The following PTPRN2 variants were observed in gnomAD, a reference collection of about 807,000 sequenced individuals.
PTPRN2 encodes the protein protein tyrosine phosphatase receptor type N2.
In PTPRN2, 74 loss-of-function variants were observed where a neutral mutation model predicts 118.8. That is an observed-to-expected ratio of 0.62 (90% CI 0.52 to 0.76). The LOEUF is 0.76. PTPRN2 is among the 30% of genes least tolerant of loss of function. The pLI, the probability that PTPRN2 is intolerant of heterozygous loss-of-function variation, is 0.00. For missense variants in PTPRN2, 1,481 were observed against 1,394.4 expected (o/e 1.06, Z -0.99); for synonymous variants, 641 against 608.0 (o/e 1.05, Z -0.80).
At chr7:157,799,785 CA>C (rs2151092486) in intron 12 of PTPRN2, among the ~76,000 whole-genome samples, 1 of 120,920 alleles carries the variant, frequency 8.3e-6, no homozygotes, top group African/African-American at 3.5e-5. Flanking sequence ...CCCTCAGAGT[CA>C]CCACAATCGG....
In PTPRN2 at chr7:157,875,045, G is replaced by A. The variant is rs113299498; in HGVS notation, c.1788+23628C>T. Among the ~76,000 whole-genome samples the A allele has an allele frequency of 3.9e-4, 59 of 150,752 alleles. No homozygotes were observed. In the East Asian group the frequency reaches 8.3e-3, roughly 21 times the overall value. On this transcript the variant is annotated intron_variant, in intron 12 of 22. Transcript: ENST00000389418. ...CAGACACACGCAGACACACACACGC[G>A]CACACACAGACACACACACACACAC...
intron 3 of PTPRN2, among the ~76,000 whole-genome samples, chr7:158,252,614 C>T (rs1051045559): frequency 6.6e-6 from 1 of 152,184 alleles, no homozygotes; most frequent in African/African-American, 2.4e-5. Flanking sequence ...CCCCACCACC[C>T]CATCTCCAGG....
At chr7:158,219,398 T>C (rs1828183551) in intron 3 of PTPRN2, among the ~76,000 whole-genome samples, 1 of 152,038 alleles carries the variant, frequency 6.6e-6, no homozygotes, top group African/African-American at 2.4e-5. Flanking sequence ...TACCAGAATA[T>C]TTGGGACACA....
chr7:158,261,913 G>A (rs1797427086), intron 3 of PTPRN2, among the ~76,000 whole-genome samples: 1 of 152,236 alleles, frequency 6.6e-6, no homozygotes, highest in African/African-American at 2.4e-5. Context: ...TCAGGAGGGA[G>A]GAATCTAGGA....
chr7:158,277,622 T>G (rs1338639199), intron 3 of PTPRN2, among the ~76,000 whole-genome samples: 1 of 152,202 alleles, frequency 6.6e-6, no homozygotes, highest in African/African-American at 2.4e-5. Flanking sequence ...CTTGCCACAC[T>G]GCTGCACGAG....
At chr7:158,248,366 G>C (rs963413090) in intron 3 of PTPRN2, among the ~76,000 whole-genome samples, 3 of 152,176 alleles carry the variant, frequency 2.0e-5, no homozygotes, top group Admixed American at 2.0e-4. Flanking sequence ...CCCCGACCAC[G>C]TGGGGACACA....
At chr7:158,580,872 A>C (rs10250188) in intron 1 of PTPRN2, among the ~76,000 whole-genome samples, 38,614 of 152,068 alleles carry the variant, frequency 0.25, 5,123 homozygotes, top group East Asian at 0.44. Flanking sequence ...TATGGGAAGG[A>C]CAAAAGTCTC....
intron 1 of PTPRN2, among the ~76,000 whole-genome samples, chr7:158,535,425 A>C (rs1825588797): frequency 6.6e-6 from 1 of 152,200 alleles, no homozygotes; most frequent in African/African-American, 2.4e-5. Flanking sequence ...TCATGGTAAG[A>C]ACCTGCAATG....
At chr7:158,442,844 G>A (rs1352740425) in intron 2 of PTPRN2, among the ~76,000 whole-genome samples, 12 of 152,206 alleles carry the variant, frequency 7.9e-5, no homozygotes, top group East Asian at 1.9e-4. Context: ...AAAATGACAC[G>A]TTTCCATTTT....
chr7:157,924,803 G>A (rs1405218055), intron 11 of PTPRN2, among the ~76,000 whole-genome samples: 2 of 152,226 alleles, frequency 1.3e-5, no homozygotes, highest in Non-Finnish European at 2.9e-5. Flanking sequence ...CACCTCCACT[G>A]AAGCTCAAAC....
chr7:157,753,064 A>C (rs1282494710), intron 12 of PTPRN2, among the ~76,000 whole-genome samples: 2 of 152,204 alleles, frequency 1.3e-5, no homozygotes, highest in Non-Finnish European at 2.9e-5. Flanking sequence ...ACTGGGAGGA[A>C]AGGCGGGGTG....
At position 157,948,163 on chromosome 7, in the gene PTPRN2, T is replaced by G. The variant is rs148556777; in HGVS notation, c.1724-49426A>C. On this transcript the variant is annotated intron_variant, in intron 11 of 22. Coordinates refer to ENST00000389418, the MANE Select transcript of PTPRN2 (RefSeq NM_002847.5). ...GTAAAATTAACTACATAGGTAAATATAAAACCCAGTATTGTAGCTTTGGTT... is the reference window on the plus strand; with the variant it reads ...GTAAAATTAACTACATAGGTAAATAGAAAACCCAGTATTGTAGCTTTGGTT... Among the ~76,000 whole-genome samples, 309 of 152,352 alleles carry G rather than the reference T, an allele frequency of 2.0e-3. 3 individuals are homozygous for G. The highest frequency in any genetic ancestry group is 7.0e-3 in the African/African-American group (290 of 41,588).
At position 157,690,078 on chromosome 7, in the gene PTPRN2, G is replaced by A. The variant is rs1797399239; in HGVS notation, c.1789-7141C>T. On this transcript the variant is annotated intron_variant, in intron 12 of 22. Coordinates refer to ENST00000389418, the MANE Select transcript of PTPRN2 (RefSeq NM_002847.5). The surrounding 1 kb of genome is among the most constrained non-coding windows in gnomAD (Gnocchi z 7.1). ...CAATGGTCGGAACTGCAGGGAGTGG[G>A]GAGCAACGCGAAAGGCCGAGAGAAG... is the stretch of plus-strand genomic sequence containing the variant. 6.6e-6 allele frequency among the ~76,000 whole-genome samples: 1 copy of A among 152,220 alleles called. No homozygotes were observed. Among genetic ancestry groups the A allele is most frequent in the South Asian group, 2.1e-4 (1 of 4,832 alleles).
intron 3 of PTPRN2, among the ~76,000 whole-genome samples, chr7:158,205,596 C>T (rs1585845828): frequency 6.6e-6 from 1 of 152,294 alleles, no homozygotes; most frequent in East Asian, 1.9e-4. Flanking sequence ...GTCCGCACAG[C>T]AAAGCACCTT....
intron 16 of PTPRN2, among the ~76,000 whole-genome samples, chr7:157,599,919 CCA>C (rs1260092385): frequency 8.3e-6 from 1 of 120,798 alleles, no homozygotes; most frequent in East Asian, 2.7e-4. Flanking sequence ...CTCCACCTGC[CCA>C]CCTCTCCACC....
intron 12 of PTPRN2, among the ~76,000 whole-genome samples, chr7:157,890,629 G>A (rs142796255): frequency 1.6e-3 from 241 of 152,302 alleles, no homozygotes; most frequent in African/African-American, 5.7e-3. Context: ...GCGACAGAGC[G>A]AGACTGTGTC....
intron 2 of PTPRN2, among the ~76,000 whole-genome samples, chr7:158,445,069 G>GGCTGGGGAGA (rs1817631085): frequency 6.6e-6 from 1 of 152,156 alleles, no homozygotes; most frequent in Non-Finnish European, 1.5e-5. Context: ...TAACCAGGAG[G>GGCTGGGGAGA]GCTGGGGAGA....
intron 5 of PTPRN2, among the ~76,000 whole-genome samples, chr7:158,188,150 G>GC (rs1248684414): frequency 6.7e-6 from 1 of 149,036 alleles, no homozygotes; most frequent in Non-Finnish European, 1.5e-5. Context: ...CACCACGCTC[G>GC]CCCCCTGTAC....
chr7:157,992,232 T>C (rs755008903), intron 11 of PTPRN2, among the ~76,000 whole-genome samples: 1 of 152,246 alleles, frequency 6.6e-6, no homozygotes, highest in Non-Finnish European at 1.5e-5. Flanking sequence ...AAAGGTGAGT[T>C]CCATGAAAAC....
Sources: gnomAD v4.1 joint callset for allele counts (sites outside exome capture counted in the v4.1 genomes callset) on GRCh38, gnomAD v4.1.1 for gene constraint, Gnocchi (gnomAD v3.1) non-coding constraint, MANE v1.5 for transcripts, NCBI Gene and HGNC (gene_info 2026-07-23, HGNC 2026-07-21) for gene names.